Variants in JAKMIP2 observed in about 807,000 individuals in gnomAD.
The protein encoded by JAKMIP2 is janus kinase and microtubule-interacting protein 2.
A neutral mutation model predicts 115.0 loss-of-function variants in JAKMIP2; 25 were observed. That is an observed-to-expected ratio of 0.22 (90% CI 0.16 to 0.30). The LOEUF (loss-of-function observed/expected upper bound fraction) is 0.30, where lower values mean the gene tolerates loss of function less well. JAKMIP2 is among the 10% of genes least tolerant of loss of function. The pLI, the probability that JAKMIP2 is intolerant of heterozygous loss-of-function variation, is 1.00. For missense variants in JAKMIP2, 642 were observed against 957.6 expected (o/e 0.67, Z 4.35); for synonymous variants, 334 against 343.6 (o/e 0.97, Z 0.31).
intron 19 of JAKMIP2, among the ~76,000 whole-genome samples, chr5:147,616,347 G>C (rs1561849287): frequency 6.6e-6 from 1 of 152,320 alleles, no homozygotes; most frequent in East Asian, 1.9e-4. Context: ...AAGATGGATG[G>C]AAAATGTCAA....
chr5:147,745,121 G>A (rs1580868679), intron 1 of JAKMIP2, among the ~76,000 whole-genome samples: 1 of 150,200 alleles, frequency 6.7e-6, no homozygotes, highest in East Asian at 1.9e-4. Flanking sequence ...TCTGTAAGAT[G>A]CCATTGAGTA....
intron 1 of JAKMIP2, among the ~76,000 whole-genome samples, chr5:147,756,551 T>C (rs972741851): frequency 1.3e-5 from 2 of 152,184 alleles, no homozygotes; most frequent in Non-Finnish European, 2.9e-5. Flanking sequence ...ACAAACAACA[T>C]CCAGTAAATC....
intron 2 of JAKMIP2, among the ~76,000 whole-genome samples, chr5:147,668,097 G>A (rs781309136): frequency 3.3e-5 from 5 of 152,146 alleles, no homozygotes; most frequent in Non-Finnish European, 5.9e-5. Flanking sequence ...TGTGAGGCTC[G>A]ATGTGAAAAT....
intron 12 of JAKMIP2, 93 bp from the exon 13 acceptor site, chr5:147,632,871 AG>A: frequency 1.3e-6 from 1 of 744,162 alleles, no homozygotes; most frequent in Non-Finnish European, 2.3e-6. Context: ...TCAGTGAATA[AG>A]TCTTCCAGAC....
intron 16 of JAKMIP2, among the ~76,000 whole-genome samples, chr5:147,624,087 C>T (rs1383518769): frequency 6.6e-6 from 1 of 152,174 alleles, no homozygotes; most frequent in Non-Finnish European, 1.5e-5. Flanking sequence ...CCTGCCTCAG[C>T]CTCCCAAAGT....
intron 1 of JAKMIP2, among the ~76,000 whole-genome samples, chr5:147,757,675 A>C (rs568594936): frequency 6.6e-6 from 1 of 152,104 alleles, no homozygotes; most frequent in Non-Finnish European, 1.5e-5. Flanking sequence ...TAATTATTAA[A>C]TGAGATAATG....
chr5:147,587,312 A>G lies in JAKMIP2; in HGVS notation c.*4395T>C, dbSNP rs1439406957. On this transcript the variant is annotated 3_prime_UTR_variant, in exon 22 of 22. Coordinates refer to ENST00000616793, the MANE Select transcript of JAKMIP2 (RefSeq NM_001270941.2). The stretch of plus-strand genomic sequence containing the variant: ...TAAATTAGTAAAATGATAGAATTAA[A>G]CTGCCAAAAGCTGTCATTAATTACC... 5 of 152,146 alleles carry G rather than the reference A, an allele frequency of 3.3e-5. No individual in the cohort carries two copies. In the East Asian group the frequency reaches 9.7e-4, roughly 29 times the overall value. The allele number at this position is 152,146 out of a possible 1,614,324, so 9.4% of individuals were successfully genotyped here.
At chr5:147,638,117 T>G (rs1757708084) in intron 10 of JAKMIP2, among the ~76,000 whole-genome samples, 1 of 152,206 alleles carries the variant, frequency 6.6e-6, no homozygotes, top group Non-Finnish European at 1.5e-5. Context: ...TTTTTTCTTG[T>G]ACCTAATTTT....
chr5:147,651,708 TC>T (rs1758402069), intron 3 of JAKMIP2, among the ~76,000 whole-genome samples: 1 of 152,134 alleles, frequency 6.6e-6, no homozygotes, highest in Admixed American at 6.5e-5. Context: ...TGCCTGTGAG[TC>T]ACATGCTTAA....
Position 147,720,566 on chromosome 5 carries a change from C to G in JAKMIP2, c.-148-48612G>C, listed in dbSNP as rs563243007. ...CTCATTTCTTTTTATTCTTTTTTCTCTAAACTTCCCTTCTCACTTCATTTC... is the reference window on the plus strand; with the variant it reads ...CTCATTTCTTTTTATTCTTTTTTCTGTAAACTTCCCTTCTCACTTCATTTC... On this transcript the variant is annotated intron_variant, in intron 1 of 21. Coordinates refer to ENST00000616793, the MANE Select transcript of JAKMIP2 (RefSeq NM_001270941.2). Among the ~76,000 whole-genome samples the G allele has an allele frequency of 9.5e-3, 1,435 of 151,440 alleles. 19 individuals carry two copies. The highest frequency in any genetic ancestry group is 0.032 in the African/African-American group (1,338 of 41,246).
Position 147,737,850 on chromosome 5 carries a change from C to T in JAKMIP2, c.-149+44606G>A, listed in dbSNP as rs78803913. Among the ~76,000 whole-genome samples the T allele has an allele frequency of 8.7e-3, 1,331 of 152,144 alleles. 29 individuals carry two copies. Among genetic ancestry groups the T allele is most frequent in the African/African-American group, 0.03 (1,261 of 41,506 alleles). Reference sequence around the variant, plus strand: ...CTACCTTAGAACTTCCTTTACAGAACGTTAGATTTAAGATGGTAAGTGTCT... The same window carrying T: ...CTACCTTAGAACTTCCTTTACAGAATGTTAGATTTAAGATGGTAAGTGTCT... On this transcript the variant is annotated intron_variant, in intron 1 of 21. Transcript: ENST00000616793.
intron 7 of JAKMIP2, among the ~76,000 whole-genome samples, chr5:147,642,326 G>A (rs759585854): frequency 1.3e-5 from 2 of 151,848 alleles, no homozygotes; most frequent in African/African-American, 2.4e-5. Context: ...AAATTTTCTG[G>A]GAATCTCAAA....
In JAKMIP2 at chr5:147,591,453, T is replaced by A. The variant is rs965127541; in HGVS notation, c.*254A>T. On this transcript the variant is annotated 3_prime_UTR_variant, in exon 22 of 22. Transcript: ENST00000616793. ...TGTTTATAGTTCTTCTCTTCTGATT[T>A]GACATATACATGTTTCATTAAATGC... 15 of 546,530 alleles carry A rather than the reference T, an allele frequency of 2.7e-5. No individual in the cohort carries two copies. The African/African-American group carries it at 2.8e-4, about 10-fold the overall frequency. The allele number at this position is 546,530 out of a possible 1,614,324, so 33.9% of individuals were successfully genotyped here. A position where few individuals can be genotyped will look rare whatever the true frequency, so the allele number is the denominator to read the frequency against.
At chr5:147,673,228 C>A (rs1351157491) in intron 1 of JAKMIP2, among the ~76,000 whole-genome samples, 7 of 152,068 alleles carry the variant, frequency 4.6e-5, no homozygotes, top group African/African-American at 1.4e-4. Flanking sequence ...TTCATAGGAA[C>A]AAGGGGCCCA....
intron 15 of JAKMIP2, 129 bp from the exon 16 acceptor site, chr5:147,628,945 T>G: frequency 1.7e-6 from 1 of 600,476 alleles, no homozygotes; most frequent in Non-Finnish European, 2.9e-6. Context: ...ATTCCTATTC[T>G]GTTTAGTAAT....
intron 1 of JAKMIP2, among the ~76,000 whole-genome samples, chr5:147,713,102 C>T (rs978333014): frequency 2.6e-5 from 4 of 152,110 alleles, no homozygotes; most frequent in African/African-American, 9.7e-5. Context: ...TCATTAGATA[C>T]ATTTTATGTT....
intron 18 of JAKMIP2, 127 bp downstream of exon 18, chr5:147,620,539 C>A: frequency 1.9e-6 from 1 of 529,378 alleles, no homozygotes; most frequent in Non-Finnish European, 3.4e-6. Context: ...ATCTGAAAAC[C>A]AGTAAATGAA....
intron 2 of JAKMIP2, among the ~76,000 whole-genome samples, chr5:147,664,939 G>T (rs1759219665): frequency 6.6e-6 from 1 of 152,094 alleles, no homozygotes; most frequent in South Asian, 2.1e-4. Flanking sequence ...AGGCTTGCAG[G>T]GTTACCAGAT....
intron 1 of JAKMIP2, among the ~76,000 whole-genome samples, chr5:147,759,501 T>C (rs992798207): frequency 6.6e-6 from 1 of 152,058 alleles, no homozygotes; most frequent in Non-Finnish European, 1.5e-5. Context: ...AAGAGAGTGC[T>C]AGTGGTGGAC....
Sources: allele counts gnomAD v4.1 joint callset (sites outside exome capture counted in the v4.1 genomes callset), GRCh38; gene constraint gnomAD v4.1.1; transcripts MANE v1.5; gene names NCBI Gene and HGNC (gene_info 2026-07-23, HGNC 2026-07-21).